Variants in LRRTM4 observed in about 807,000 individuals in gnomAD.
LRRTM4 encodes leucine-rich repeat transmembrane neuronal protein 4.
LRRTM4 carries 25 observed loss-of-function variants against 47.6 expected under a neutral mutation model. The ratio of observed to expected loss-of-function variants is 0.53; its 90% CI spans 0.38 to 0.73. The LOEUF is 0.73. Among genes scored for constraint, LRRTM4 ranks in the 30% least tolerant of loss-of-function variants. LRRTM4 has a pLI of 0.00. For synonymous variants in LRRTM4, 311 were observed against 269.5 expected (o/e 1.15, Z -1.51); for missense variants, 638 against 713.4 (o/e 0.89, Z 1.20).
chr2:76,848,745 G>T (rs1174204239), intron 3 of LRRTM4, among the ~76,000 whole-genome samples: 2 of 152,064 alleles, frequency 1.3e-5, no homozygotes, highest in East Asian at 3.8e-4. Flanking sequence ...AGAAAAAAAA[G>T]TTTCTCTGAT....
chr2:77,064,159 A>G (rs1679880716), intron 3 of LRRTM4, among the ~76,000 whole-genome samples: 1 of 152,134 alleles, frequency 6.6e-6, no homozygotes, highest in African/African-American at 2.4e-5. Context: ...TAATCTCAAA[A>G]CTGATTCAGC....
chr2:77,076,407 GA>G (rs1309560338), intron 3 of LRRTM4, among the ~76,000 whole-genome samples: 2 of 132,070 alleles, frequency 1.5e-5, no homozygotes, highest in African/African-American at 6.6e-5. Flanking sequence ...TAAAAAATGG[GA>G]TAACAGTTTC....
intron 3 of LRRTM4, among the ~76,000 whole-genome samples, chr2:76,845,273 T>C (rs1305594794): frequency 6.6e-5 from 10 of 152,046 alleles, no homozygotes; most frequent in Admixed American, 5.9e-4. Flanking sequence ...GGAGGATCAC[T>C]TGAGCCCAGG....
chr2:77,513,282 G>A (rs1399112057), intron 3 of LRRTM4, among the ~76,000 whole-genome samples: 1 of 152,082 alleles, frequency 6.6e-6, no homozygotes, highest in Non-Finnish European at 1.5e-5. Context: ...ACAAATGAAT[G>A]TAAGTAGCTC....
intron 3 of LRRTM4, among the ~76,000 whole-genome samples, chr2:77,059,231 T>C (rs891239206): frequency 2.6e-5 from 4 of 152,160 alleles, no homozygotes; most frequent in African/African-American, 9.7e-5. Context: ...ACATATTGTG[T>C]TTGTCTCAAG....
intron 3 of LRRTM4, among the ~76,000 whole-genome samples, chr2:77,341,608 C>T (rs570664525): frequency 1.3e-5 from 2 of 152,054 alleles, no homozygotes; most frequent in African/African-American, 2.4e-5. Context: ...TGCGGTTTAG[C>T]GTAAGAGAAT....
At chr2:77,115,018 G>A (rs906413518) in intron 3 of LRRTM4, among the ~76,000 whole-genome samples, 1 of 152,050 alleles carries the variant, frequency 6.6e-6, no homozygotes. Flanking sequence ...AAGCCTGAGG[G>A]TACTGCAGGA....
At chr2:76,929,316 C>A (rs912519826) in intron 3 of LRRTM4, among the ~76,000 whole-genome samples, 1 of 152,164 alleles carries the variant, frequency 6.6e-6, no homozygotes. Flanking sequence ...ATCGAGCCTA[C>A]AGTACAACAA....
chr2:76,852,350 G>A (rs1423390903), intron 3 of LRRTM4, among the ~76,000 whole-genome samples: 1 of 151,970 alleles, frequency 6.6e-6, no homozygotes, highest in Non-Finnish European at 1.5e-5. Context: ...TCATAACATT[G>A]TCTTACTTTC....
At chr2:77,161,588 T>G (rs752199973) in intron 3 of LRRTM4, among the ~76,000 whole-genome samples, 4 of 152,156 alleles carry the variant, frequency 2.6e-5, no homozygotes, top group Non-Finnish European at 5.9e-5. Context: ...CTAGGCATTT[T>G]GTCTGTGAGT....
intron 3 of LRRTM4, among the ~76,000 whole-genome samples, chr2:77,467,660 G>T (rs1317064807): frequency 6.6e-6 from 1 of 152,140 alleles, no homozygotes; most frequent in Non-Finnish European, 1.5e-5. Context: ...TTATTAGTTA[G>T]AGTGAGATTG....
At chr2:77,406,165 G>A (rs1460154323) in intron 3 of LRRTM4, among the ~76,000 whole-genome samples, 1 of 151,980 alleles carries the variant, frequency 6.6e-6, no homozygotes, top group African/African-American at 2.4e-5. Flanking sequence ...AGTGGCAGAT[G>A]ACAAAACAGG....
chr2:77,219,407 C>T (rs1196785052), intron 3 of LRRTM4, among the ~76,000 whole-genome samples: 2 of 152,136 alleles, frequency 1.3e-5, no homozygotes, highest in African/African-American at 4.8e-5. Context: ...CCTCAAATCC[C>T]TTCCCCCAGA....
Position 77,519,337 on chromosome 2 carries a change from G to T in LRRTM4, c.532C>A (p.Gln178Lys). The change falls in exon 3 of 4, where the codon CAA becomes AAA. Residue 178 changes from glutamine to lysine, a missense_variant. Coordinates refer to ENST00000409884, the MANE Select transcript of LRRTM4 (RefSeq NM_001134745.3). This position sits in a 1 kb window ranked among gnomAD's most constrained non-coding sequence, Gnocchi z 4.6. ...SLKTVPIRVF[Q>K]DCRNLDFLDL... ...AAAAAATCAAGATTCCGACAGTCTTGAAAAACTCTTATGGGCACAGTCTTT... is the reference window on the plus strand; with the variant it reads ...AAAAAATCAAGATTCCGACAGTCTTTAAAAACTCTTATGGGCACAGTCTTT... 1.9e-6 allele frequency: 3 copies of T among 1,613,410 alleles called. No individual in the cohort carries two copies. Among genetic ancestry groups the T allele is most frequent in the Middle Eastern group, 1.7e-4 (1 of 6,054 alleles).
chr2:77,091,299 C>T (rs376171013), intron 3 of LRRTM4, among the ~76,000 whole-genome samples: 15,300 of 124,386 alleles, frequency 0.12, 404 homozygotes, highest in African/African-American at 0.33. Flanking sequence ...CCTTGGCGAC[C>T]GATCATGCAC....
At chr2:77,008,962 A>C (rs967936999) in intron 3 of LRRTM4, 3 of 151,258 alleles carry the variant, frequency 2.0e-5, no homozygotes, top group Admixed American at 2.0e-4. Flanking sequence ...GAAAAAAAAA[A>C]CGATGAAATG....
intron 3 of LRRTM4, among the ~76,000 whole-genome samples, chr2:76,844,437 A>G (rs921136673): frequency 6.6e-6 from 1 of 152,094 alleles, no homozygotes; most frequent in Non-Finnish European, 1.5e-5. Context: ...GCCTGGCCTC[A>G]ATAATTGCTT....
At chr2:77,445,200 G>T (rs1308323918) in intron 3 of LRRTM4, among the ~76,000 whole-genome samples, 2 of 151,956 alleles carry the variant, frequency 1.3e-5, no homozygotes, top group African/African-American at 4.8e-5. Context: ...GCCTGGACAA[G>T]CTACCCAATC....
chr2:77,445,539 C>T (rs1027730866), intron 3 of LRRTM4, among the ~76,000 whole-genome samples: 3 of 151,974 alleles, frequency 2.0e-5, no homozygotes, highest in Non-Finnish European at 2.9e-5. Flanking sequence ...TTCTGAGTCT[C>T]TCTGTAACAT....
Sources: allele counts gnomAD v4.1 joint callset (sites outside exome capture counted in the v4.1 genomes callset), GRCh38; gene constraint gnomAD v4.1.1; non-coding constraint Gnocchi (gnomAD v3.1); transcripts MANE v1.5; gene names NCBI Gene and HGNC (gene_info 2026-07-23, HGNC 2026-07-21).